Variants in ATP7A observed in about 807,000 individuals in gnomAD.
ATP7A encodes copper-transporting ATPase 1.
A neutral mutation model predicts 83.5 loss-of-function variants in ATP7A; 7 were observed. The ratio of observed to expected loss-of-function variants is 0.08; its 90% CI spans 0.05 to 0.16. ATP7A has a LOEUF of 0.16. Among genes scored for constraint, ATP7A ranks in the 10% least tolerant of loss-of-function variants. The pLI, the probability that ATP7A is intolerant of heterozygous loss-of-function variation, is 1.00. For synonymous variants in ATP7A, 354 were observed against 395.2 expected (o/e 0.90, Z 1.24); for missense variants, 940 against 1,120.8 (o/e 0.84, Z 2.30).
rs899364100 is a variant in ATP7A, at chrX:78,049,332, T to G, written c.*2762T>G. On this transcript the variant is annotated 3_prime_UTR_variant, in exon 23 of 23. Coordinates refer to ENST00000341514, the MANE Select transcript of ATP7A (RefSeq NM_000052.7). ...TATTACCATACTGAAGGGAAATGGA[T>G]TTATATTTGAATTTGATATTTGAAT... 2.7e-5 allele frequency: 3 copies of G among 112,430 alleles called. No homozygotes were observed. In the Admixed American group the frequency reaches 2.8e-4, roughly 11 times the overall value. 9.3% of individuals were successfully genotyped at this position (112,430 alleles called of 1,213,427 possible). A position where few individuals can be genotyped will look rare whatever the true frequency, so the allele number is the denominator to read the frequency against.
intron 1 of ATP7A, chrX:77,923,221 T>C (rs1305426736): frequency 8.9e-6 from 1 of 112,193 alleles, no homozygotes; most frequent in African/African-American, 3.2e-5. Flanking sequence ...TGTAAAGATA[T>C]GTTGTTGTTA....
intron 7 of ATP7A, among the ~76,000 whole-genome samples, chrX:78,010,193 C>A (rs1308241941): frequency 1.8e-5 from 2 of 112,186 alleles, no homozygotes; most frequent in Non-Finnish European, 3.8e-5. Flanking sequence ...ACCCTTAATT[C>A]CCACAGCAAT....
At chrX:77,927,998 C>T (rs782539299) in intron 1 of ATP7A, among the ~76,000 whole-genome samples, 6 of 110,386 alleles carry the variant, frequency 5.4e-5, no homozygotes, top group East Asian at 2.8e-4. Flanking sequence ...TTTTTTGAGA[C>T]GGGGTCTCAC....
At chrX:77,956,771 C>CTTTCTTTCTT (rs1317878782) in intron 1 of ATP7A, among the ~76,000 whole-genome samples, 1 of 99,702 alleles carries the variant, frequency 1.0e-5, no homozygotes, top group Non-Finnish European at 2.0e-5. Flanking sequence ...TTCTTTCTTT[C>CTTTCTTTCTT]TTTCTTTCTT....
At chrX:77,951,742 G>A (rs1235066142) in intron 1 of ATP7A, among the ~76,000 whole-genome samples, 1 of 111,144 alleles carries the variant, frequency 9.0e-6, no homozygotes, top group African/African-American at 3.3e-5. Context: ...ACCATGCCCA[G>A]CTAATTTTTG....
At chrX:78,043,846 C>T (rs1237992064) in intron 21 of ATP7A, among the ~76,000 whole-genome samples, 3 of 104,648 alleles carry the variant, frequency 2.9e-5, no homozygotes, top group East Asian at 3.1e-4. Context: ...TTAGTATAGA[C>T]GGGGTTTCTC....
intron 6 of ATP7A, among the ~76,000 whole-genome samples, chrX:78,007,914 T>A (rs961323483): frequency 8.9e-6 from 1 of 112,180 alleles, no homozygotes; most frequent in African/African-American, 3.2e-5. Context: ...CAAGCATTTA[T>A]ACTTTGTGTT....
In ATP7A at chrX:78,046,609, A is replaced by T; in HGVS notation, c.*39A>T. The T allele has an allele frequency of 8.4e-7, 1 of 1,194,399 alleles. No homozygotes were observed. Among genetic ancestry groups the T allele is most frequent in the Non-Finnish European group, 1.1e-6 (1 of 880,277 alleles). On this transcript the variant is annotated 3_prime_UTR_variant, in exon 23 of 23. Coordinates refer to ENST00000341514, the MANE Select transcript of ATP7A (RefSeq NM_000052.7). Reference sequence around the variant, plus strand: ...GTGCTGCCAGTTTAACTTGTCATGCACTGACACAGCATTCATGATGTTACC... The same window carrying T: ...GTGCTGCCAGTTTAACTTGTCATGCTCTGACACAGCATTCATGATGTTACC...
chrX:78,046,564 A>C lies in ATP7A; in HGVS notation c.4497A>C (p.Ala1499=), dbSNP rs782053901. The C allele has an allele frequency of 3.3e-6, 4 of 1,209,910 alleles. No homozygotes were observed. The Admixed American group carries it at 8.8e-5, about 26-fold the overall frequency. The part of the protein sequence containing the change: ...VGDFREDDDT[A]L ...ACTTCAGGGAAGATGATGACACTGC[A>C]TTATAAAAGGCCATGGAGAGTGCTG... is the stretch of plus-strand genomic sequence containing the variant. Residue 1499 remains alanine (A), a synonymous_variant, in exon 23 of 23, where the codon GCA becomes GCC. Transcript: ENST00000341514.
intron 4 of ATP7A, among the ~76,000 whole-genome samples, chrX:77,996,183 T>C (rs1245899410): frequency 8.9e-6 from 1 of 112,339 alleles, no homozygotes; most frequent in Non-Finnish European, 1.9e-5. Flanking sequence ...TAGATAGATA[T>C]ACATTTATAT....
At chrX:77,927,115 C>T (rs782506807) in intron 1 of ATP7A, among the ~76,000 whole-genome samples, 78 of 112,168 alleles carry the variant, frequency 7.0e-4, no homozygotes, top group Non-Finnish European at 1.1e-3. Context: ...ATCACCAGCA[C>T]GTAGATTAGT....
rs782330310 is a variant in ATP7A, at chrX:77,957,270, T to C, written c.-21-14351T>C. On this transcript the variant is annotated intron_variant, in intron 1 of 22. Transcript: ENST00000341514. Reference sequence around the variant, plus strand: ...CATACTTTAAGTTTTAGGGTACATGTGCACAACGTGCAGGTTTGTTACATA... The same window carrying C: ...CATACTTTAAGTTTTAGGGTACATGCGCACAACGTGCAGGTTTGTTACATA... 9.0e-5 allele frequency among the ~76,000 whole-genome samples: 10 copies of C among 111,096 alleles called. No individual in the cohort carries two copies. In the East Asian group the frequency reaches 2.6e-3, roughly 29 times the overall value.
chrX:77,986,046 A>G (rs782249448), intron 2 of ATP7A, among the ~76,000 whole-genome samples: 3 of 112,125 alleles, frequency 2.7e-5, no homozygotes, highest in East Asian at 2.8e-4. Flanking sequence ...ATATGTCTCA[A>G]CTATACGTGG....
intron 2 of ATP7A, chrX:77,975,747 T>A (rs2077573638): frequency 1.8e-5 from 2 of 111,379 alleles, no homozygotes; most frequent in African/African-American, 3.3e-5. Flanking sequence ...CGCCTCGGCC[T>A]CCCACAGTAT....
chrX:77,988,523 G>A lies in ATP7A; in HGVS notation c.402G>A (p.Val134=). 8.3e-7 allele frequency: 1 copy of A among 1,211,482 alleles called. No individual in the cohort carries two copies. Among genetic ancestry groups the A allele is most frequent in the Non-Finnish European group, 1.1e-6 (1 of 895,314 alleles). ...CAGTGACAATAATCCCTTCTATAGTGAATGCCAATCAGATAAAAGAGCTGG... is the reference window on the plus strand; with the variant it reads ...CAGTGACAATAATCCCTTCTATAGTAAATGCCAATCAGATAAAAGAGCTGG... The part of the protein sequence containing the change: ...TVAVTIIPSI[V]NANQIKELVP... The change falls in exon 3 of 23, where the codon GTG becomes GTA. Residue 134 remains valine (V), a synonymous_variant. Coordinates refer to ENST00000341514, the MANE Select transcript of ATP7A (RefSeq NM_000052.7).
chrX:78,011,808 A>G lies in ATP7A; in HGVS notation c.2172+134A>G. On this transcript the variant is annotated intron_variant, in intron 9 of 22. Transcript: ENST00000341514. ...ATTTTATGCCATATGCTTTACAAAA[A>G]TAATCTTCAACTGGGTAGTTATTTA... 6.1e-6 allele frequency: 4 copies of G among 656,263 alleles called. No homozygotes were observed. In the Admixed American group the frequency reaches 6.7e-5, roughly 11 times the overall value. The allele number at this position is 656,263 out of a possible 1,213,427, so 54.1% of individuals were successfully genotyped here.
In ATP7A at chrX:78,015,887, T is replaced by C. The variant is rs1557235110; in HGVS notation, c.2626+6T>C. The C allele has an allele frequency of 1.7e-6, 2 of 1,211,162 alleles. No homozygotes were observed. The highest frequency in any genetic ancestry group is 2.2e-6 in the Non-Finnish European group (2 of 895,132). ...AGATGAGTCCCTCATCACAGGTATG[T>C]TCTTTCAAAGGATCATGACCAAAAT... On this transcript the variant is annotated splice_donor_region_variant and intron_variant, in intron 12 of 22. Coordinates refer to ENST00000341514, the MANE Select transcript of ATP7A (RefSeq NM_000052.7).
chrX:78,030,778 A>G, intron 15 of ATP7A, among the ~76,000 whole-genome samples: 1 of 102,660 alleles, frequency 9.7e-6, no homozygotes, highest in Non-Finnish European at 2.0e-5. Context: ...TGCAACCTCC[A>G]CCCACCAAGT....
intron 2 of ATP7A, among the ~76,000 whole-genome samples, chrX:77,977,849 G>A (rs1557230480): frequency 2.7e-5 from 3 of 112,247 alleles, no homozygotes; most frequent in African/African-American, 9.7e-5. Context: ...CACTTGTTCT[G>A]CCTTTTTCAG....
Sources: allele counts gnomAD v4.1 joint callset (sites outside exome capture counted in the v4.1 genomes callset), GRCh38; gene constraint gnomAD v4.1.1; transcripts MANE v1.5; gene names NCBI Gene and HGNC (gene_info 2026-07-23, HGNC 2026-07-21).